The following MROH2A variants were observed in gnomAD, a reference collection of about 807,000 sequenced individuals.
MROH2A encodes maestro heat-like repeat-containing protein family member 2A.
Under a neutral mutation model 200.4 loss-of-function variants are expected in MROH2A, and 174 were observed. The ratio of observed to expected loss-of-function variants is 0.87; its 90% CI spans 0.77 to 0.98. MROH2A has a LOEUF of 0.98. Among genes scored for constraint, MROH2A ranks in the 50% least tolerant of loss-of-function variants. MROH2A has a pLI of 0.00. For synonymous variants in MROH2A, 829 were observed against 840.4 expected (o/e 0.99, Z 0.23); for missense variants, 2,045 against 2,139.6 (o/e 0.96, Z 0.87).
intron 35 of MROH2A, among the ~76,000 whole-genome samples, chr2:233,826,175 G>A (rs1188647804): frequency 2.0e-5 from 3 of 151,954 alleles, no homozygotes; most frequent in Non-Finnish European, 2.9e-5. Context: ...TGCCCGCCTC[G>A]GCCTCCCAAA....
At position 233,813,735 on chromosome 2, in the gene MROH2A, T is replaced by G; in HGVS notation, c.2717T>G (p.Val906Gly). ...CTGATGGATATCAGCATACATTCTG[T>G]AATTTCTCTCCAACTCCCAGGAGAG... Reference protein sequence around the residue: ...SELMDISIHSVISLQLPGEDN... With the variant: ...SELMDISIHSGISLQLPGEDN... The change falls in exon 25 of 42, where the codon GTA (valine) becomes GGA (glycine). Residue 906 changes from valine to glycine, a missense_variant. Val to Gly is a moderately radical substitution (Grantham distance 109). Around this residue, in one of 3 missense-constraint regions of MROH2A, gnomAD observed 1,201 missense variants for 1,311.3 expected, o/e 0.92. Coordinates refer to ENST00000389758, the MANE Select transcript of MROH2A (RefSeq NM_001394639.1). 1 of 1,550,218 alleles carries G rather than the reference T, an allele frequency of 6.5e-7. No individual in the cohort carries two copies. The highest frequency in any genetic ancestry group is 8.7e-7 in the Non-Finnish European group (1 of 1,146,686).
intron 24 of MROH2A, 103 bp from the exon 25 acceptor site, chr2:233,813,567 C>T (rs1207966359): frequency 1.5e-6 from 1 of 683,892 alleles, no homozygotes; most frequent in South Asian, 1.9e-5. Flanking sequence ...AAGTAGGCCT[C>T]TTCCTCTTCT....
chr2:233,817,872 C>G (rs1044276232), intron 27 of MROH2A, 130 bp from the exon 28 acceptor site: 1 of 1,136,698 alleles, frequency 8.8e-7, no homozygotes, highest in African/African-American at 1.5e-5. Flanking sequence ...CAGTGGCACC[C>G]TCCCCTTCCC....
At chr2:233,795,394 G>A (rs1575933110) in intron 8 of MROH2A, among the ~76,000 whole-genome samples, 1 of 152,314 alleles carries the variant, frequency 6.6e-6, no homozygotes, top group East Asian at 1.9e-4. Context: ...TTTAAGTGAA[G>A]GAGGCCTTGA....
Position 233,807,993 on chromosome 2 carries a change from T to C in MROH2A, c.2295+138T>C, listed in dbSNP as rs1702915946. 7.8e-6 allele frequency: 9 copies of C among 1,158,318 alleles called. No individual in the cohort carries two copies. The highest frequency in any genetic ancestry group is 9.8e-6 in the Non-Finnish European group (8 of 816,564). 71.8% of individuals were successfully genotyped at this position (1,158,318 alleles called of 1,614,324 possible). A position where few individuals can be genotyped will look rare whatever the true frequency, so the allele number is the denominator to read the frequency against. On this transcript the variant is annotated intron_variant, in intron 21 of 41. Transcript: ENST00000389758. This position sits in a 1 kb window ranked among gnomAD's most constrained non-coding sequence, Gnocchi z 4.3. ...TCCTGTCATCAAAATGGCTGAGACA[T>C]TGTCTTACTCTGAGACCTCCTGGAC...
intron 32 of MROH2A, 28 bp from the exon 33 acceptor site, chr2:233,822,335 C>T (rs1704000833): frequency 5.2e-6 from 8 of 1,548,448 alleles, no homozygotes; most frequent in African/African-American, 1.4e-5. Flanking sequence ...TGGGTAGGAG[C>T]CCGATGCCCT....
rs34849761 is a variant in MROH2A at position 233,825,921 on chromosome 2, C to CTTTTTTTTT, written c.4113+2271_4113+2279dup. ...AAACACCTCTTTGTGTTTCTTTTTC[C>CTTTTTTTTT]TTTTTTTTTTTTTTTTTTTTTTGAG... On this transcript the variant is annotated intron_variant, in intron 35 of 41. Coordinates refer to ENST00000389758, the MANE Select transcript of MROH2A (RefSeq NM_001394639.1). Among the ~76,000 whole-genome samples the CTTTTTTTTT allele has an allele frequency of 1.7e-4, 16 of 95,248 alleles. 2 individuals carry two copies. Among genetic ancestry groups the CTTTTTTTTT allele is most frequent in the African/African-American group, 3.7e-4 (8 of 21,806 alleles). 62.5% of individuals were successfully genotyped at this position (95,248 alleles called of 152,430 possible). A position where few individuals can be genotyped will look rare whatever the true frequency, so the allele number is the denominator to read the frequency against.
chr2:233,831,117 T>G (rs1336214429), intron 38 of MROH2A, among the ~76,000 whole-genome samples: 1 of 152,092 alleles, frequency 6.6e-6, no homozygotes, highest in Non-Finnish European at 1.5e-5. Context: ...CCGCCTCTGA[T>G]CCCATGGAGG....
chr2:233,818,064 T>C lies in MROH2A; in HGVS notation c.3024T>C (p.Asp1008=). 1 of 1,551,032 alleles carries C rather than the reference T, an allele frequency of 6.4e-7. No individual in the cohort carries two copies. The change falls in exon 28 of 42, where the codon GAT becomes GAC. Residue 1008 remains aspartate, a synonymous_variant. Coordinates refer to ENST00000389758, the MANE Select transcript of MROH2A (RefSeq NM_001394639.1). The part of the protein sequence containing the change: ...MVGLIAPCTC[D]AHQRTRMASM... Reference sequence around the variant, plus strand: ...GACTCATTGCCCCGTGCACCTGTGATGCCCATCAAAGAACCCGCATGGCCT... The same window carrying C: ...GACTCATTGCCCCGTGCACCTGTGACGCCCATCAAAGAACCCGCATGGCCT...
At position 233,822,169 on chromosome 2, in the gene MROH2A, C is replaced by A; in HGVS notation, c.3558C>A (p.Phe1186Leu). The change falls in exon 32 of 42, where the codon TTC becomes TTA. Residue 1186 changes from phenylalanine (F) to leucine (L), a missense_variant. Phe to Leu is a conservative substitution (Grantham distance 22, BLOSUM62 0). This residue lies in a region of MROH2A where 1,201 missense variants were observed against 1,311.3 expected (regional missense o/e 0.92). Coordinates refer to ENST00000389758, the MANE Select transcript of MROH2A (RefSeq NM_001394639.1). ...VWLAVSENVPFARTMLHSLMG... is the reference protein window; with the variant it reads ...VWLAVSENVPLARTMLHSLMG... ...TGGCAGTGTCGGAGAACGTGCCCTTCGCCCGGACCATGCTCCACAGCCTGA... is the reference window on the plus strand; with the variant it reads ...TGGCAGTGTCGGAGAACGTGCCCTTAGCCCGGACCATGCTCCACAGCCTGA... 1 of 1,549,952 alleles carries A rather than the reference C, an allele frequency of 6.5e-7. No homozygotes were observed. Among genetic ancestry groups the A allele is most frequent in the Non-Finnish European group, 8.7e-7 (1 of 1,146,988 alleles).
chr2:233,820,224 A>G lies in MROH2A; in HGVS notation c.3512+168A>G, dbSNP rs2124857053. ...CTCCTGCAGGAGGTGCCAGCCTCCG[A>G]CGAGCCACTGACAGAGCCCAGGCTT... On this transcript the variant is annotated intron_variant, in intron 31 of 41. Coordinates refer to ENST00000389758, the MANE Select transcript of MROH2A (RefSeq NM_001394639.1). The surrounding 1 kb of genome is among the most constrained non-coding windows in gnomAD (Gnocchi z 4.1). Among the ~76,000 whole-genome samples the G allele has an allele frequency of 6.6e-6, 1 of 152,228 alleles. No homozygotes were observed. Among genetic ancestry groups the G allele is most frequent in the East Asian group, 1.9e-4 (1 of 5,160 alleles).
intron 28 of MROH2A, 79 bp downstream of exon 28, chr2:233,818,204 GC>G: frequency 6.7e-7 from 1 of 1,502,704 alleles, no homozygotes. Flanking sequence ...GCTGCGGCCT[GC>G]CCTGGAGGGA....
intron 18 of MROH2A, 93 bp downstream of exon 18, chr2:233,804,640 T>G: frequency 8.9e-7 from 1 of 1,121,052 alleles, no homozygotes; most frequent in South Asian, 1.4e-5. Context: ...ATGAGGAGTT[T>G]AGAAGCCCCT....
At chr2:233,810,584 G>A (rs1054877481) in intron 22 of MROH2A, among the ~76,000 whole-genome samples, 1 of 152,210 alleles carries the variant, frequency 6.6e-6, no homozygotes, top group East Asian at 1.9e-4. Flanking sequence ...ACCTCACCTC[G>A]TATCCCCGCC....
chr2:233,800,441 C>T, intron 14 of MROH2A, 126 bp downstream of exon 14: 1 of 626,934 alleles, frequency 1.6e-6, no homozygotes, highest in East Asian at 2.8e-5. Flanking sequence ...AGGGGCCTTC[C>T]TCTTCCAGTT....
chr2:233,828,513 C>A lies in MROH2A; in HGVS notation c.4114-117C>A. ...AGAGAGGAAACGGAGGCTCTCAGAG[C>A]CCCTCCCCTCCTGTCCACAGAGCCA... On this transcript the variant is annotated intron_variant, in intron 35 of 41. Coordinates refer to ENST00000389758, the MANE Select transcript of MROH2A (RefSeq NM_001394639.1). The surrounding 1 kb of genome is among the most constrained non-coding windows in gnomAD (Gnocchi z 4.6). 7.9e-7 allele frequency: 1 copy of A among 1,264,944 alleles called. No homozygotes were observed. Among genetic ancestry groups the A allele is most frequent in the Non-Finnish European group, 1.1e-6 (1 of 926,686 alleles). The allele number at this position is 1,264,944 out of a possible 1,614,324, so 78.4% of individuals were successfully genotyped here.
At position 233,787,322 on chromosome 2, in the gene MROH2A, T is replaced by G. The variant is rs184012811; in HGVS notation, c.277-2175T>G. On this transcript the variant is annotated intron_variant, in intron 3 of 41. Transcript: ENST00000389758. The stretch of plus-strand genomic sequence containing the variant: ...TCTAGAGCTTGCATTCTCAATGGGG[T>G]GATATTGCCCCCCAGTTAAGTAAAA... Among the ~76,000 whole-genome samples the G allele has an allele frequency of 6.4e-4, 96 of 150,898 alleles. 1 individual carries two copies. Among genetic ancestry groups the G allele is most frequent in the African/African-American group, 2.2e-3 (90 of 40,986 alleles).
chr2:233,797,502 A>G (rs1410064834), intron 11 of MROH2A, among the ~76,000 whole-genome samples: 1 of 152,190 alleles, frequency 6.6e-6, no homozygotes, highest in Non-Finnish European at 1.5e-5. Context: ...TTTGTGGAAA[A>G]GCTGCCCTCT....
intron 30 of MROH2A, 57 bp downstream of exon 30, chr2:233,819,526 C>A: frequency 6.6e-7 from 1 of 1,513,370 alleles, no homozygotes. Context: ...CTGGTGTGCC[C>A]AGATGAGAGG....
Sources: allele counts gnomAD v4.1 joint callset (sites outside exome capture counted in the v4.1 genomes callset), GRCh38; gene constraint gnomAD v4.1.1; regional missense constraint gnomAD v4.1.1; non-coding constraint Gnocchi (gnomAD v3.1); transcripts MANE v1.5; gene names NCBI Gene and HGNC (gene_info 2026-07-23, HGNC 2026-07-21).